Variants in TADA2A observed in about 807,000 individuals in gnomAD.
TADA2A encodes transcriptional adaptor 2A, also known as transcriptional adapter 2-alpha.
In TADA2A, 38 loss-of-function variants were observed where a neutral mutation model predicts 67.4. The ratio of observed to expected loss-of-function variants is 0.56; its 90% CI spans 0.44 to 0.74. TADA2A has a LOEUF of 0.74. Ranked by LOEUF, TADA2A falls within the 30% of genes least tolerant of loss-of-function variation. The pLI is 0.00. For missense variants in TADA2A, 454 were observed against 547.0 expected (o/e 0.83, Z 1.70); for synonymous variants, 192 against 181.6 (o/e 1.06, Z -0.46).
At chr17:37,472,267 T>C (rs2053804505) in intron 14 of TADA2A, among the ~76,000 whole-genome samples, 1 of 152,046 alleles carries the variant, frequency 6.6e-6, no homozygotes, top group Non-Finnish European at 1.5e-5. Context: ...GGTTTCGCCA[T>C]GCTGGCCAGG....
chr17:37,431,771 G>A (rs1358498674), intron 4 of TADA2A, among the ~76,000 whole-genome samples: 1 of 151,936 alleles, frequency 6.6e-6, no homozygotes, highest in Non-Finnish European at 1.5e-5. Flanking sequence ...TCACCATGTT[G>A]TCCAGGCTGG....
chr17:37,443,501 G>T (rs971177234), intron 7 of TADA2A, among the ~76,000 whole-genome samples: 1 of 152,066 alleles, frequency 6.6e-6, no homozygotes, highest in African/African-American at 2.4e-5. Flanking sequence ...CAATCCACCA[G>T]CCTCGGCCTC....
At chr17:37,431,766 A>C (rs1169308148) in intron 4 of TADA2A, among the ~76,000 whole-genome samples, 1 of 151,858 alleles carries the variant, frequency 6.6e-6, no homozygotes, top group Non-Finnish European at 1.5e-5. Context: ...GGGTTTCACC[A>C]TGTTGTCCAG....
chr17:37,475,472 G>A (rs1278890074), intron 15 of TADA2A, among the ~76,000 whole-genome samples: 2 of 150,044 alleles, frequency 1.3e-5, no homozygotes, highest in Non-Finnish European at 3.0e-5. Flanking sequence ...CACCTCACCC[G>A]GCCTATTTTT....
chr17:37,428,618 A>G (rs780007720), intron 4 of TADA2A, among the ~76,000 whole-genome samples: 10 of 152,140 alleles, frequency 6.6e-5, no homozygotes, highest in Admixed American at 2.0e-4. Flanking sequence ...GTCTCACTCT[A>G]TCACCCAGGC....
chr17:37,438,130 A>C (rs2052788637), intron 5 of TADA2A: 1 of 238,550 alleles, frequency 4.2e-6, no homozygotes, highest in African/African-American at 2.3e-5. Flanking sequence ...TAGTTTCGTT[A>C]GTTATTACTC....
chr17:37,434,381 C>T (rs1035684072), intron 4 of TADA2A, among the ~76,000 whole-genome samples: 2 of 152,186 alleles, frequency 1.3e-5, no homozygotes, highest in African/African-American at 2.4e-5. Context: ...GGAAGGGGTA[C>T]GGAGCTTTCC....
intron 15 of TADA2A, among the ~76,000 whole-genome samples, 180 bp from the exon 16 acceptor site, chr17:37,476,616 GT>G (rs1384912374): frequency 6.6e-6 from 1 of 152,192 alleles, no homozygotes; most frequent in Non-Finnish European, 1.5e-5. Flanking sequence ...CTGGGTGTGT[GT>G]CCTTAGGGAG....
intron 1 of TADA2A, chr17:37,407,418 T>G (rs1475122530): frequency 6.6e-6 from 1 of 152,278 alleles, no homozygotes; most frequent in African/African-American, 2.4e-5. Flanking sequence ...GAACGTTGGC[T>G]CCACAACTCG....
intron 6 of TADA2A, 111 bp downstream of exon 6, chr17:37,440,773 A>G: frequency 7.5e-7 from 1 of 1,339,026 alleles, no homozygotes. Context: ...ATCACGGAAG[A>G]TAGGAGGAGT....
chr17:37,457,320 A>G (rs962515303), intron 8 of TADA2A, among the ~76,000 whole-genome samples: 2 of 150,480 alleles, frequency 1.3e-5, no homozygotes, highest in East Asian at 2.0e-4. Flanking sequence ...AGCTGGGACT[A>G]CAGGCACTTG....
Position 37,479,705 on chromosome 17 carries a change from TAAAG to T in TADA2A, c.*2726_*2729del, listed in dbSNP as rs1157488141. The stretch of plus-strand genomic sequence containing the variant: ...ATTTTTCTCTCTAAGTGGTGGGAAA[TAAAG>T]AACAAATCTCTTTCCATGTAATGAC... On this transcript the variant is annotated 3_prime_UTR_variant, in exon 16 of 16. Transcript: ENST00000615182. 1 of 152,200 alleles carries T rather than the reference TAAAG, an allele frequency of 6.6e-6. No individual in the cohort carries two copies. Among genetic ancestry groups the T allele is most frequent in the East Asian group, 1.9e-4 (1 of 5,204 alleles). The allele number at this position is 152,200 out of a possible 1,614,324, so 9.4% of individuals were successfully genotyped here. A position where few individuals can be genotyped will look rare whatever the true frequency, so the allele number is the denominator to read the frequency against.
chr17:37,457,826 A>C (rs2053437121), intron 8 of TADA2A, among the ~76,000 whole-genome samples: 1 of 152,118 alleles, frequency 6.6e-6, no homozygotes, highest in Non-Finnish European at 1.5e-5. Context: ...ACTCTGATGC[A>C]ATTTCTAGCC....
At chr17:37,410,579 TGAGTTTATTA>T (rs1468254544) in intron 1 of TADA2A, among the ~76,000 whole-genome samples, 3 of 152,158 alleles carry the variant, frequency 2.0e-5, no homozygotes, top group African/African-American at 7.2e-5. Context: ...TGATTAAAGT[TGAGTTTATTA>T]AAGTTTATTA....
At chr17:37,464,962 TGTG>T (rs1451960215) in intron 10 of TADA2A, among the ~76,000 whole-genome samples, 3 of 151,324 alleles carry the variant, frequency 2.0e-5, no homozygotes, top group African/African-American at 7.3e-5. Context: ...GCCTGGCCAA[TGTG>T]GTGAAATTCC....
At position 37,440,599 on chromosome 17, in the gene TADA2A, A is replaced by G. The variant is rs1298635693; in HGVS notation, c.379A>G (p.Thr127Ala). The change falls in exon 6 of 16, where the codon ACC becomes GCC. Residue 127 changes from threonine to alanine, a missense_variant. Thr to Ala is a moderately conservative substitution (Grantham distance 58). This residue lies in a region of TADA2A where 403 missense variants were observed against 455.5 expected (regional missense o/e 0.88). Coordinates refer to ENST00000615182, the MANE Select transcript of TADA2A (RefSeq NM_001166105.3). ...HFINNPLFAS[T>A]LLNLKQAEEA... is the part of the protein sequence containing the mutation. ...CATCAATAACCCTCTGTTTGCATCTACCCTGCTGAACCTGAAACAAGCAGA... is the reference window on the plus strand; with the variant it reads ...CATCAATAACCCTCTGTTTGCATCTGCCCTGCTGAACCTGAAACAAGCAGA... 7.4e-6 allele frequency: 12 copies of G among 1,614,018 alleles called. No individual in the cohort carries two copies. Among genetic ancestry groups the G allele is most frequent in the Non-Finnish European group, 9.3e-6 (11 of 1,180,026 alleles).
chr17:37,425,950 G>A (rs1392519582), intron 3 of TADA2A, among the ~76,000 whole-genome samples: 1 of 151,064 alleles, frequency 6.6e-6, no homozygotes, highest in Non-Finnish European at 1.5e-5. Context: ...CTACTTCAGG[G>A]ACTTTTTATT....
chr17:37,431,178 G>A (rs2052556807), intron 4 of TADA2A, among the ~76,000 whole-genome samples: 1 of 151,974 alleles, frequency 6.6e-6, no homozygotes, highest in Non-Finnish European at 1.5e-5. Context: ...ATACACAAGA[G>A]AGAATGATGT....
chr17:37,458,153 CGCTTATA>C, intron 8 of TADA2A, among the ~76,000 whole-genome samples: 1 of 152,122 alleles, frequency 6.6e-6, no homozygotes, highest in East Asian at 1.9e-4. Context: ...ATTTAGCTCC[CGCTTATA>C]AGTGAGAACA....
Sources: gnomAD v4.1 joint callset for allele counts (sites outside exome capture counted in the v4.1 genomes callset) on GRCh38, gnomAD v4.1.1 for gene constraint, gnomAD v4.1.1 regional missense constraint, MANE v1.5 for transcripts, NCBI Gene and HGNC (gene_info 2026-07-23, HGNC 2026-07-21) for gene names.